MDFIC2: variants seen among roughly 807,000 people sequenced by gnomAD.
MDFIC2 encodes the protein myoD family inhibitor domain-containing protein 2.
At chr3:70,246,270 G>A (rs188186163) in intron 2 of MDFIC2, among the ~76,000 whole-genome samples, 1 of 152,154 alleles carries the variant, frequency 6.6e-6, no homozygotes, top group Non-Finnish European at 1.5e-5. Context: ...AGGAGGAAAG[G>A]ATAAAGGTCA....
chr3:70,280,490 C>T (rs1008057533), intron 2 of MDFIC2, among the ~76,000 whole-genome samples: 11 of 152,152 alleles, frequency 7.2e-5, no homozygotes, highest in African/African-American at 2.7e-4. Flanking sequence ...ACCCTTGCCT[C>T]AAGCCCTGCT....
intron 2 of MDFIC2, among the ~76,000 whole-genome samples, chr3:70,238,923 G>A (rs1332444652): frequency 6.6e-6 from 1 of 152,138 alleles, no homozygotes; most frequent in Admixed American, 6.5e-5. Context: ...TTTAGAGGAT[G>A]CATGCTGATT....
intron 2 of MDFIC2, among the ~76,000 whole-genome samples, chr3:70,294,073 C>T (rs1235926177): frequency 6.6e-6 from 1 of 152,104 alleles, no homozygotes; most frequent in Non-Finnish European, 1.5e-5. Flanking sequence ...TTTATAAAGA[C>T]ATGGCCATGT....
At chr3:70,223,190 A>G (rs114337244) in intron 2 of MDFIC2, among the ~76,000 whole-genome samples, 616 of 152,264 alleles carry the variant, frequency 4.0e-3, no homozygotes, top group African/African-American at 0.014. Flanking sequence ...TGTGAAAGTG[A>G]CACTTTTTGT....
At chr3:70,275,088 T>C (rs1332106558) in intron 2 of MDFIC2, among the ~76,000 whole-genome samples, 1 of 152,202 alleles carries the variant, frequency 6.6e-6, no homozygotes, top group African/African-American at 2.4e-5. Flanking sequence ...ATTTATAACC[T>C]CCAAACAGAA....
chr3:70,299,363 C>T (rs1283926941), intron 2 of MDFIC2, among the ~76,000 whole-genome samples: 4 of 151,746 alleles, frequency 2.6e-5, no homozygotes, highest in African/African-American at 7.3e-5. Context: ...ATAAGATGTA[C>T]AGTGGCTATC....
At chr3:70,293,817 C>T (rs1702264650) in intron 2 of MDFIC2, among the ~76,000 whole-genome samples, 1 of 151,716 alleles carries the variant, frequency 6.6e-6, no homozygotes, top group African/African-American at 2.4e-5. Flanking sequence ...CCTTAGGAAC[C>T]TGGTTATATT....
intron 2 of MDFIC2, among the ~76,000 whole-genome samples, chr3:70,237,977 A>ACCTTTTTTTTT (rs1701627472): frequency 7.7e-5 from 1 of 13,008 alleles, no homozygotes; most frequent in Non-Finnish European, 1.4e-4. Context: ...ATTGAGTGGT[A>ACCTTTTTTTTT]TCTTTTTTTT....
chr3:70,228,252 G>T (rs1192839333), intron 2 of MDFIC2, among the ~76,000 whole-genome samples: 1 of 151,952 alleles, frequency 6.6e-6, no homozygotes, highest in Admixed American at 6.6e-5. Context: ...ATGCCAAGAT[G>T]CTGAAGAAAA....
chr3:70,289,793 G>A (rs1401625460), intron 2 of MDFIC2, among the ~76,000 whole-genome samples: 21 of 150,828 alleles, frequency 1.4e-4, no homozygotes, highest in East Asian at 9.8e-4. Context: ...TTTCCTTCTC[G>A]CTTCATTTCA....
At chr3:70,217,073 T>C (rs1701419088) in intron 2 of MDFIC2, among the ~76,000 whole-genome samples, 1 of 152,262 alleles carries the variant, frequency 6.6e-6, no homozygotes, top group South Asian at 2.1e-4. Context: ...ATATTTTATT[T>C]GTTTACTTGC....
intron 3 of MDFIC2, 80 bp downstream of exon 3, chr3:70,206,489 T>G (rs564431571): frequency 2.5e-6 from 1 of 396,212 alleles, no homozygotes; most frequent in Non-Finnish European, 4.4e-6. Context: ...TTTTTTTTCC[T>G]AACAGCATAT....
At chr3:70,276,104 T>C (rs1025786861) in intron 2 of MDFIC2, among the ~76,000 whole-genome samples, 4 of 152,176 alleles carry the variant, frequency 2.6e-5, no homozygotes, top group African/African-American at 9.7e-5. Flanking sequence ...TATGATAATA[T>C]AACTTATGTG....
At chr3:70,218,958 C>A (rs1701438211) in intron 2 of MDFIC2, among the ~76,000 whole-genome samples, 1 of 151,674 alleles carries the variant, frequency 6.6e-6, no homozygotes, top group African/African-American at 2.4e-5. Flanking sequence ...TTAAAAATAA[C>A]AGGACAATTT....
chr3:70,270,858 G>T (rs1224911464), intron 2 of MDFIC2, among the ~76,000 whole-genome samples: 1 of 151,976 alleles, frequency 6.6e-6, no homozygotes, highest in African/African-American at 2.4e-5. Context: ...CACAGGGAGG[G>T]GAACATCACA....
intron 2 of MDFIC2, among the ~76,000 whole-genome samples, chr3:70,213,323 A>C (rs73116295): frequency 0.037 from 5,599 of 152,242 alleles, 134 homozygotes; most frequent in Middle Eastern, 0.061. Context: ...TTTTCTTGTG[A>C]GCAGTAAACT....
intron 2 of MDFIC2, among the ~76,000 whole-genome samples, chr3:70,236,079 C>T (rs1341949183): frequency 1.3e-5 from 2 of 151,978 alleles, no homozygotes; most frequent in African/African-American, 4.8e-5. Flanking sequence ...ACGACCTTGG[C>T]TTTAGCTCTC....
At chr3:70,299,019 G>A (rs1702319109) in intron 2 of MDFIC2, among the ~76,000 whole-genome samples, 1 of 152,150 alleles carries the variant, frequency 6.6e-6, no homozygotes, top group South Asian at 2.1e-4. Flanking sequence ...TGAAAAGTAA[G>A]GTGTGAGGAT....
chr3:70,233,628 T>G (rs992314180), intron 2 of MDFIC2, among the ~76,000 whole-genome samples: 1 of 152,206 alleles, frequency 6.6e-6, no homozygotes, highest in Admixed American at 6.5e-5. Context: ...AGAGTTTCCC[T>G]ATGTCCTTTT....
Sources: allele counts gnomAD v4.1 joint callset (sites outside exome capture counted in the v4.1 genomes callset), GRCh38; gene constraint gnomAD v4.1.1; transcripts MANE v1.5; gene names NCBI Gene and HGNC (gene_info 2026-07-23, HGNC 2026-07-21).